Variants in TLK2 observed in about 807,000 individuals in gnomAD.
The protein encoded by TLK2 is serine/threonine-protein kinase tousled-like 2.
A neutral mutation model predicts 117.3 loss-of-function variants in TLK2; 6 were observed. That is an observed-to-expected ratio of 0.05 (90% confidence interval 0.03 to 0.10). TLK2 has a LOEUF of 0.10. TLK2 is among the 10% of genes least tolerant of loss of function. The pLI is 1.00. For synonymous variants in TLK2, 257 were observed against 316.7 expected (o/e 0.81, Z 2.00); for missense variants, 299 against 901.2 (o/e 0.33, Z 8.56).
At chr17:62,478,168 C>T (rs994075266), upstream of TLK2, 4 of 152,076 alleles carry the variant, frequency 2.6e-5, no homozygotes, top group Non-Finnish European at 4.4e-5. Flanking sequence ...GGCCGGGAGC[C>T]CGCGAACGCG....
intron 15 of TLK2, 23 bp downstream of exon 15, chr17:62,580,215 A>G (rs780866055): frequency 1.3e-6 from 2 of 1,570,150 alleles, no homozygotes; most frequent in Non-Finnish European, 1.7e-6. Flanking sequence ...AACTGGATAC[A>G]AAGACTGGGG....
At chr17:62,538,037 T>G (rs1052166616) in intron 7 of TLK2, among the ~76,000 whole-genome samples, 11 of 142,584 alleles carry the variant, frequency 7.7e-5, no homozygotes, top group African/African-American at 2.3e-4. Context: ...ATCTTTGTTT[T>G]TTTTTTTTTT....
rs769238861 is a variant in TLK2 at position 62,578,614 on chromosome 17, G to A, written c.1286+40G>A. On this transcript the variant is annotated intron_variant, in intron 14 of 21. Coordinates refer to ENST00000346027, the MANE Select transcript of TLK2 (RefSeq NM_006852.6). ...GGCATATTGGGTTGGAGATTGCTAAGCATTTTATGATATGAATTGAATGGT... is the reference window on the plus strand; with the variant it reads ...GGCATATTGGGTTGGAGATTGCTAAACATTTTATGATATGAATTGAATGGT... The A allele has an allele frequency of 4.1e-6, 6 of 1,463,216 alleles. No individual in the cohort carries two copies. In the South Asian group the frequency reaches 6.8e-5, roughly 17 times the overall value. 90.6% of individuals were successfully genotyped at this position (1,463,216 alleles called of 1,614,324 possible). A position where few individuals can be genotyped will look rare whatever the true frequency, so the allele number is the denominator to read the frequency against.
At chr17:62,529,653 A>G (rs1019512874) in intron 6 of TLK2, among the ~76,000 whole-genome samples, 2 of 152,192 alleles carry the variant, frequency 1.3e-5, no homozygotes, top group African/African-American at 4.8e-5. Flanking sequence ...TCTTGGGCAA[A>G]TACCATATAA....
At position 62,564,959 on chromosome 17, in the gene TLK2, C is replaced by CTA. The variant is rs771320770; in HGVS notation, c.832-41_832-40dup. The CTA allele has an allele frequency of 3.2e-6, 5 of 1,579,054 alleles. No individual in the cohort carries two copies. In the African/African-American group the frequency reaches 6.9e-5, roughly 22 times the overall value. On this transcript the variant is annotated intron_variant, in intron 10 of 21. Coordinates refer to ENST00000346027, the MANE Select transcript of TLK2 (RefSeq NM_006852.6). ...TTTCTAAGAAGTGTCTTTATCCATGCTAATTGGTATTGAATTCCTTTTTTT... is the reference window on the plus strand; with the variant it reads ...TTTCTAAGAAGTGTCTTTATCCATGCTATAATTGGTATTGAATTCCTTTTTTT...
intron 12 of TLK2, among the ~76,000 whole-genome samples, chr17:62,575,380 C>T (rs2080703154): frequency 6.6e-6 from 1 of 152,054 alleles, no homozygotes; most frequent in Non-Finnish European, 1.5e-5. Flanking sequence ...TTCTGTTTTT[C>T]GCTGGTGTGG....
At chr17:62,601,498 C>G (rs2082873360) in intron 18 of TLK2, among the ~76,000 whole-genome samples, 1 of 152,174 alleles carries the variant, frequency 6.6e-6, no homozygotes, top group African/African-American at 2.4e-5. Flanking sequence ...CTCTAATGTT[C>G]TAATACAATT....
Position 62,481,428 on chromosome 17 carries a change from C to T in TLK2, c.81+222C>T, listed in dbSNP as rs572207908. Among the ~76,000 whole-genome samples, 14 of 152,210 alleles carry T rather than the reference C, an allele frequency of 9.2e-5. No individual in the cohort carries two copies. The South Asian group carries it at 1.9e-3, about 20-fold the overall frequency. ...GGGAATATATGTTTCTTCTTCCTTT[C>T]TGGTATAGGAGAGGTTTCTCATGGT... On this transcript the variant is annotated intron_variant, in intron 2 of 21. Coordinates refer to ENST00000346027, the MANE Select transcript of TLK2 (RefSeq NM_006852.6).
intron 18 of TLK2, 90 bp from the exon 19 acceptor site, chr17:62,601,952 T>G: frequency 8.5e-7 from 1 of 1,178,404 alleles, no homozygotes; most frequent in Non-Finnish European, 1.2e-6. Context: ...GAGTTTGAGT[T>G]CAGTTGTCCC....
chr17:62,548,226 C>A (rs1398562325), intron 7 of TLK2, among the ~76,000 whole-genome samples: 2 of 96,744 alleles, frequency 2.1e-5, no homozygotes, highest in East Asian at 6.6e-4. Flanking sequence ...TATCATTGGG[C>A]CATATATATA....
At chr17:62,547,029 C>T (rs1289036589) in intron 7 of TLK2, among the ~76,000 whole-genome samples, 1 of 152,002 alleles carries the variant, frequency 6.6e-6, no homozygotes, top group African/African-American at 2.4e-5. Context: ...CTACAGTATA[C>T]TTTTGATCCT....
At chr17:62,508,170 T>TG (rs1448681945) in intron 2 of TLK2, among the ~76,000 whole-genome samples, 1 of 147,534 alleles carries the variant, frequency 6.8e-6, no homozygotes, top group East Asian at 1.9e-4. Flanking sequence ...ATTTCCTAGT[T>TG]TTTTTTTTTT....
chr17:62,570,243 A>G (rs566533878), intron 11 of TLK2, among the ~76,000 whole-genome samples: 1 of 152,208 alleles, frequency 6.6e-6, no homozygotes, highest in Admixed American at 6.5e-5. Flanking sequence ...CAGAAGATTG[A>G]TTGTCTTGTT....
chr17:62,557,031 C>A (rs1206490425), intron 9 of TLK2, among the ~76,000 whole-genome samples: 1 of 152,194 alleles, frequency 6.6e-6, no homozygotes, highest in Non-Finnish European at 1.5e-5. Flanking sequence ...CTCAAGCAGT[C>A]CTCTCACTTC....
rs1396876375 is a variant in TLK2, at chr17:62,538,066, G to T, written c.531+1729G>T. 5.2e-5 allele frequency among the ~76,000 whole-genome samples: 6 copies of T among 115,230 alleles called. No homozygotes were observed. The Admixed American group carries it at 7.1e-4, about 14-fold the overall frequency. 75.6% of individuals were successfully genotyped at this position (115,230 alleles called of 152,430 possible). On this transcript the variant is annotated intron_variant, in intron 7 of 21. Coordinates refer to ENST00000346027, the MANE Select transcript of TLK2 (RefSeq NM_006852.6). ...TTTTTTTTTTTTTGAGATGGAGTCT[G>T]GTTCTGTCGCCCAGTCTGGAGTGCA...
chr17:62,556,582 C>G (rs1394237024), intron 9 of TLK2, among the ~76,000 whole-genome samples: 1 of 152,192 alleles, frequency 6.6e-6, no homozygotes, highest in Non-Finnish European at 1.5e-5. Flanking sequence ...CACGCATTCT[C>G]TCTCTCTGTT....
At chr17:62,504,000 C>A (rs2074448487) in intron 2 of TLK2, among the ~76,000 whole-genome samples, 1 of 152,192 alleles carries the variant, frequency 6.6e-6, no homozygotes, top group African/African-American at 2.4e-5. Context: ...TCCCAAAGTG[C>A]TGGGATTACA....
At chr17:62,509,749 G>C (rs2074996533) in intron 2 of TLK2, among the ~76,000 whole-genome samples, 1 of 152,162 alleles carries the variant, frequency 6.6e-6, no homozygotes, top group South Asian at 2.1e-4. Flanking sequence ...AGGCTTGATG[G>C]CGTAACCTTG....
chr17:62,528,340 C>A (rs2145684632), intron 6 of TLK2, among the ~76,000 whole-genome samples: 1 of 152,158 alleles, frequency 6.6e-6, no homozygotes, highest in East Asian at 1.9e-4. Context: ...TGAAAGTTTT[C>A]ATGCAGGAGT....
Sources: gnomAD v4.1 joint callset for allele counts (sites outside exome capture counted in the v4.1 genomes callset) on GRCh38, gnomAD v4.1.1 for gene constraint, MANE v1.5 for transcripts, NCBI Gene and HGNC (gene_info 2026-07-23, HGNC 2026-07-21) for gene names.